Variants in HIRA observed in about 807,000 individuals in gnomAD.
HIRA encodes protein HIRA.
HIRA carries 13 observed loss-of-function variants against 126.6 expected under a neutral mutation model. The ratio of observed to expected loss-of-function variants is 0.10; its 90% CI spans 0.07 to 0.16. The LOEUF (loss-of-function observed/expected upper bound fraction) is 0.16. Among genes scored for constraint, HIRA ranks in the 10% least tolerant of loss-of-function variants. HIRA has a pLI of 1.00. For synonymous variants in HIRA, 511 were observed against 520.0 expected, an observed-to-expected ratio of 0.98 and a Z score of 0.24; for missense variants, 834 against 1,314.4, an observed-to-expected ratio of 0.63 and a Z score of 5.65.
chr22:19,425,681 A>G (rs1243524636), intron 1 of HIRA, among the ~76,000 whole-genome samples: 1 of 152,220 alleles, frequency 6.6e-6, no homozygotes, highest in East Asian at 1.9e-4. Flanking sequence ...GCAGCATATT[A>G]AAGAAATAAA....
chr22:19,364,865 T>C (rs762645167), intron 15 of HIRA, among the ~76,000 whole-genome samples: 6 of 152,228 alleles, frequency 3.9e-5, no homozygotes, highest in Non-Finnish European at 5.9e-5. Flanking sequence ...GGCCAAAAGC[T>C]ATACCTTTTG....
rs1171872492 is a variant in HIRA at position 19,331,162 on chromosome 22, T to G, written c.*278A>C. On this transcript the variant is annotated 3_prime_UTR_variant, in exon 25 of 25. Transcript: ENST00000263208. The stretch of plus-strand genomic sequence containing the variant: ...GTGCTGGAGACGGCAGGCCTGGGAC[T>G]GCCTTGCTGGCCCCAGGGCACCTGG... The G allele has an allele frequency of 1.1e-4, 150 of 1,370,758 alleles. No homozygotes were observed. The highest frequency in any genetic ancestry group is 1.4e-4 in the Non-Finnish European group (146 of 1,040,660). 84.9% of individuals were successfully genotyped at this position (1,370,758 alleles called of 1,614,324 possible). A position where few individuals can be genotyped will look rare whatever the true frequency, so the allele number is the denominator to read the frequency against.
intron 24 of HIRA, among the ~76,000 whole-genome samples, chr22:19,333,479 G>C (rs1556005098): frequency 6.6e-6 from 1 of 152,076 alleles, no homozygotes; most frequent in Non-Finnish European, 1.5e-5. Context: ...AAAACATCAG[G>C]AATACTATTT....
intron 1 of HIRA, among the ~76,000 whole-genome samples, chr22:19,421,291 C>T (rs2089444121): frequency 9.2e-6 from 1 of 109,026 alleles, no homozygotes; most frequent in South Asian, 3.7e-4. Flanking sequence ...AAAAGCGAAA[C>T]TCCGTCTCAA....
At chr22:19,387,842 T>G (rs1203400218) in intron 10 of HIRA, 26 bp from the exon 11 acceptor site, 7 of 1,562,932 alleles carry the variant, frequency 4.5e-6, no homozygotes, top group African/African-American at 4.1e-5. Flanking sequence ...ATCAGCAGCC[T>G]GGTAGCAAGA....
chr22:19,403,490 T>C (rs1382771767), intron 5 of HIRA, among the ~76,000 whole-genome samples: 2 of 152,064 alleles, frequency 1.3e-5, no homozygotes, highest in East Asian at 3.9e-4. Context: ...CACGTGCCTG[T>C]AGTCCCAGCT....
chr22:19,398,125 C>A (rs1235585316), intron 5 of HIRA, 38 bp from the exon 6 acceptor site: 2 of 1,490,398 alleles, frequency 1.3e-6, no homozygotes, highest in East Asian at 4.5e-5. Flanking sequence ...GATCTCTTAC[C>A]TGGTGATGCC....
chr22:19,402,105 A>G (rs898527957), intron 5 of HIRA, among the ~76,000 whole-genome samples: 4 of 152,052 alleles, frequency 2.6e-5, no homozygotes, highest in Admixed American at 2.6e-4. Context: ...CCCAGCACTC[A>G]TCTTCCAACT....
chr22:19,353,575 G>C (rs782448053), intron 22 of HIRA, 56 bp from the exon 23 acceptor site: 1 of 1,508,864 alleles, frequency 6.6e-7, no homozygotes, highest in Non-Finnish European at 8.9e-7. Flanking sequence ...ACAGAGTCAG[G>C]AACTGCCCCC....
chr22:19,365,372 G>C (rs2088903107), intron 15 of HIRA, among the ~76,000 whole-genome samples: 1 of 152,192 alleles, frequency 6.6e-6, no homozygotes, highest in Non-Finnish European at 1.5e-5. Context: ...TCAATGCCTG[G>C]CTTCAAAGTT....
intron 1 of HIRA, among the ~76,000 whole-genome samples, chr22:19,430,924 C>T (rs1223893843): frequency 6.6e-6 from 1 of 152,154 alleles, no homozygotes; most frequent in Non-Finnish European, 1.5e-5. Flanking sequence ...TTCGCGGGGG[C>T]CCGGGGCCCC....
intron 1 of HIRA, among the ~76,000 whole-genome samples, chr22:19,416,706 A>G (rs982068737): frequency 2.6e-5 from 4 of 152,214 alleles, no homozygotes; most frequent in African/African-American, 9.7e-5. Context: ...AATAAACTGA[A>G]CTTTATCAAA....
At chr22:19,394,589 C>A in intron 7 of HIRA, 80 bp from the exon 8 acceptor site, 1 of 1,405,292 alleles carries the variant, frequency 7.1e-7, no homozygotes, top group South Asian at 1.2e-5. Flanking sequence ...TAAAGTTAAA[C>A]TTCAATTTAT....
chr22:19,431,565 GCGCCACCCGCCCTCCGGC>G lies in HIRA; in HGVS notation c.-107_-90del, dbSNP rs906698454. ...GGAGCCACCGCCGCCGCTTCCTCCC[GCGCCACCCGCCCTCCGGC>G]CGCCGCCCGCCCCGCGCCCTCAGGG... On this transcript the variant is annotated 5_prime_UTR_variant, in exon 1 of 25. Coordinates refer to ENST00000263208, the MANE Select transcript of HIRA (RefSeq NM_003325.4). 6.0e-6 allele frequency: 6 copies of G among 999,082 alleles called. No individual in the cohort carries two copies. Among genetic ancestry groups the G allele is most frequent in the African/African-American group, 1.8e-5 (1 of 56,766 alleles). The allele number at this position is 999,082 out of a possible 1,614,324, so 61.9% of individuals were successfully genotyped here. A position where few individuals can be genotyped will look rare whatever the true frequency, so the allele number is the denominator to read the frequency against.
intron 14 of HIRA, 64 bp from the exon 15 acceptor site, chr22:19,375,856 T>G: frequency 6.5e-7 from 1 of 1,543,064 alleles, no homozygotes. Context: ...GGTCTAGTAT[T>G]TGCATTATTT....
intron 5 of HIRA, among the ~76,000 whole-genome samples, chr22:19,404,261 C>T (rs1457862468): frequency 6.6e-6 from 1 of 152,154 alleles, no homozygotes; most frequent in Admixed American, 6.5e-5. Flanking sequence ...GTCAGGTCCC[C>T]AGCTGAAGGT....
At chr22:19,395,047 G>C (rs8139931) in intron 7 of HIRA, among the ~76,000 whole-genome samples, 22 of 152,212 alleles carry the variant, frequency 1.4e-4, no homozygotes, top group African/African-American at 5.3e-4. Context: ...ACCCGCAAGG[G>C]AGAAGAGGTT....
At chr22:19,384,943 T>G (rs2146217492) in intron 12 of HIRA, among the ~76,000 whole-genome samples, 1 of 152,192 alleles carries the variant, frequency 6.6e-6, no homozygotes, top group South Asian at 2.1e-4. Context: ...GGTGAGCCAC[T>G]GCGCCTGGCC....
rs1275684505 is a variant in HIRA at position 19,377,901 on chromosome 22, G to A, written c.1581C>T (p.Ala527=). Residue 527 remains alanine, a synonymous_variant, in exon 14 of 25, where the codon GCC becomes GCT. Coordinates refer to ENST00000263208, the MANE Select transcript of HIRA (RefSeq NM_003325.4). ...PCTEPVVAAS[A]RPAGDSVNKD... ...TATTGACAGAATCGCCTGCAGGTCT[G>A]GCACTGGCAGCCACCACAGGCTCTG... The A allele has an allele frequency of 1.2e-6, 2 of 1,613,030 alleles. No individual in the cohort carries two copies. The highest frequency in any genetic ancestry group is 1.7e-6 in the Non-Finnish European group (2 of 1,179,526).
Sources: allele counts gnomAD v4.1 joint callset (sites outside exome capture counted in the v4.1 genomes callset), GRCh38; gene constraint gnomAD v4.1.1; transcripts MANE v1.5; gene names NCBI Gene and HGNC (gene_info 2026-07-23, HGNC 2026-07-21).